GAS2L3: variants seen among roughly 807,000 people sequenced by gnomAD.
GAS2L3 encodes the protein GAS2-like protein 3.
A neutral mutation model predicts 37.0 loss-of-function variants in GAS2L3; 28 were observed. The ratio of observed to expected loss-of-function variants is 0.76; its 90% CI spans 0.56 to 1.04. The LOEUF (loss-of-function observed/expected upper bound fraction) is 1.04, where lower values mean the gene tolerates loss of function less well. GAS2L3 is among the 50% of genes least tolerant of loss of function. The pLI is 0.00. For synonymous variants in GAS2L3, 290 were observed against 296.6 expected (o/e 0.98, Z 0.23); for missense variants, 793 against 817.6 (o/e 0.97, Z 0.37).
chr12:100,601,275 A>G (rs1269130080), intron 4 of GAS2L3, among the ~76,000 whole-genome samples: 1 of 152,120 alleles, frequency 6.6e-6, no homozygotes, highest in African/African-American at 2.4e-5. Flanking sequence ...AAAAGTTAGT[A>G]TTCCCTGGGT....
intron 1 of GAS2L3, among the ~76,000 whole-genome samples, chr12:100,584,254 T>G (rs1032743412): frequency 8.5e-5 from 13 of 152,108 alleles, no homozygotes; most frequent in African/African-American, 3.1e-4. Flanking sequence ...TAATCAGAAT[T>G]AATTCAGGCC....
At chr12:100,609,923 G>A (rs905055615) in intron 5 of GAS2L3, among the ~76,000 whole-genome samples, 6 of 152,156 alleles carry the variant, frequency 3.9e-5, no homozygotes, top group Admixed American at 3.9e-4. Context: ...GCTGGAAGAT[G>A]GAGGAAGGGG....
intron 9 of GAS2L3, 62 bp from the exon 10 acceptor site, chr12:100,623,500 T>G: frequency 6.9e-7 from 1 of 1,455,046 alleles, no homozygotes; most frequent in Non-Finnish European, 9.3e-7. Context: ...TAACTGCTAA[T>G]GAATTGTAAC....
intron 1 of GAS2L3, among the ~76,000 whole-genome samples, chr12:100,574,597 T>G (rs558547981): frequency 2.6e-5 from 4 of 152,152 alleles, no homozygotes; most frequent in Non-Finnish European, 5.9e-5. Flanking sequence ...TAAATTTGAG[T>G]GCTTTGTGGC....
Position 100,617,782 on chromosome 12 carries a change from C to T in GAS2L3, c.484C>T (p.Leu162Phe). The change falls in exon 7 of 10, where the codon CTT becomes TTT. Residue 162 changes from leucine to phenylalanine, a missense_variant. Leu to Phe is a conservative substitution (Grantham distance 22). Coordinates refer to ENST00000547754, the MANE Select transcript of GAS2L3 (RefSeq NM_174942.3). Reference sequence around the variant, plus strand: ...TCCAAGACAGGTGTATCTTTGTCTTCTTGAAATTGGTCGAATTGTGTCAAG... The same window carrying T: ...TCCAAGACAGGTGTATCTTTGTCTTTTTGAAATTGGTCGAATTGTGTCAAG... Reference protein sequence around the residue: ...KDPRQVYLCLLEIGRIVSRYG... With the variant: ...KDPRQVYLCLFEIGRIVSRYG... 1 of 1,606,888 alleles carries T rather than the reference C, an allele frequency of 6.2e-7. No homozygotes were observed. The highest frequency in any genetic ancestry group is 8.5e-7 in the Non-Finnish European group (1 of 1,174,248).
At chr12:100,579,677 A>G (rs2136376225) in intron 1 of GAS2L3, 1 of 779,184 alleles carries the variant, frequency 1.3e-6, no homozygotes, top group Non-Finnish European at 2.4e-6. Flanking sequence ...CCCTTACTGA[A>G]GCATTCTGCA....
At chr12:100,606,324 G>C (rs1015044467) in intron 5 of GAS2L3, among the ~76,000 whole-genome samples, 3 of 151,772 alleles carry the variant, frequency 2.0e-5, no homozygotes, top group African/African-American at 4.8e-5. Context: ...TTCTTTTTCA[G>C]TTTCCCATTG....
chr12:100,579,152 G>T, intron 1 of GAS2L3: 3 of 681,606 alleles, frequency 4.4e-6, no homozygotes, highest in Non-Finnish European at 8.2e-6. Flanking sequence ...CATGGCCCAT[G>T]ATGTTCTCTT....
At chr12:100,605,668 A>G (rs1461252631) in intron 5 of GAS2L3, among the ~76,000 whole-genome samples, 1 of 151,620 alleles carries the variant, frequency 6.6e-6, no homozygotes, top group African/African-American at 2.4e-5. Flanking sequence ...ACTGTATCCC[A>G]TAGGTTTTGG....
chr12:100,574,012 C>G (rs1196602540), intron 1 of GAS2L3: 1 of 152,188 alleles, frequency 6.6e-6, no homozygotes, highest in Non-Finnish European at 1.5e-5. Context: ...TGACGTTGCG[C>G]CTGCCTTCAC....
At chr12:100,594,473 A>G (rs1199776241) in intron 2 of GAS2L3, among the ~76,000 whole-genome samples, 2 of 152,036 alleles carry the variant, frequency 1.3e-5, no homozygotes, top group Non-Finnish European at 2.9e-5. Context: ...GATGACAGTC[A>G]GATAAAAGAT....
Position 100,614,458 on chromosome 12 carries a change from TA to T in GAS2L3, c.445+2330del, listed in dbSNP as rs924945969. On this transcript the variant is annotated intron_variant, in intron 6 of 9. Coordinates refer to ENST00000547754, the MANE Select transcript of GAS2L3 (RefSeq NM_174942.3). The stretch of plus-strand genomic sequence containing the variant: ...AGACTGGGTGAAAGAGTGAGACTCA[TA>T]AAAAAAAAAAAATTACTATCTTAAC... 1.4e-3 allele frequency among the ~76,000 whole-genome samples: 197 copies of T among 142,826 alleles called. 1 individual carries two copies. Among genetic ancestry groups the T allele is most frequent in the Middle Eastern group, 3.7e-3 (1 of 270 alleles). The allele number at this position is 142,826 out of a possible 152,430, so 93.7% of individuals were successfully genotyped here.
chr12:100,582,716 A>G (rs902819947), intron 1 of GAS2L3, among the ~76,000 whole-genome samples: 26 of 152,254 alleles, frequency 1.7e-4, no homozygotes, highest in Non-Finnish European at 3.7e-4. Context: ...GCTGTAACAA[A>G]TTACCACAAA....
chr12:100,607,518 A>G (rs1956072202), intron 5 of GAS2L3, among the ~76,000 whole-genome samples: 1 of 150,278 alleles, frequency 6.7e-6, no homozygotes, highest in African/African-American at 2.4e-5. Context: ...TTCTATCCCC[A>G]TCTCTCTCTC....
At chr12:100,576,291 A>T (rs955671359) in intron 1 of GAS2L3, among the ~76,000 whole-genome samples, 2 of 152,138 alleles carry the variant, frequency 1.3e-5, no homozygotes, top group Non-Finnish European at 2.9e-5. Context: ...GTTTGGAGAT[A>T]ATAGGAAAGG....
At chr12:100,589,623 C>G (rs1955821899) in intron 1 of GAS2L3, among the ~76,000 whole-genome samples, 1 of 152,062 alleles carries the variant, frequency 6.6e-6, no homozygotes, top group Non-Finnish European at 1.5e-5. Context: ...CAAAGCAAGA[C>G]TAATCAAAAA....
At position 100,621,882 on chromosome 12, in the gene GAS2L3, G is replaced by GGAGAGA. The variant is rs1205356059; in HGVS notation, c.649-372_649-367dup. ...GTGGTGGGGAGGGAGGGTGGGGGGG[G>GGAGAGA]GAGAGAGAGAGAGAGAGAGAGAGAG... is the stretch of plus-strand genomic sequence containing the variant. On this transcript the variant is annotated intron_variant, in intron 8 of 9. Transcript: ENST00000547754. 9.7e-4 allele frequency among the ~76,000 whole-genome samples: 79 copies of GGAGAGA among 81,282 alleles called. 3 individuals are homozygous for GGAGAGA. The East Asian group carries it at 0.011, about 12-fold the overall frequency. The allele number at this position is 81,282 out of a possible 152,430, so 53.3% of individuals were successfully genotyped here. A position where few individuals can be genotyped will look rare whatever the true frequency, so the allele number is the denominator to read the frequency against.
intron 5 of GAS2L3, among the ~76,000 whole-genome samples, chr12:100,609,316 A>G (rs998624839): frequency 1.3e-5 from 2 of 152,176 alleles, no homozygotes; most frequent in African/African-American, 4.8e-5. Flanking sequence ...CACCCATGGC[A>G]TATTACCTGG....
chr12:100,605,943 A>G (rs1022470174), intron 5 of GAS2L3, among the ~76,000 whole-genome samples: 1 of 151,828 alleles, frequency 6.6e-6, no homozygotes, highest in Non-Finnish European at 1.5e-5. Flanking sequence ...AGAATGATCC[A>G]TCTGCTGAGG....
Sources: allele counts gnomAD v4.1 joint callset (sites outside exome capture counted in the v4.1 genomes callset), GRCh38; gene constraint gnomAD v4.1.1; transcripts MANE v1.5; gene names NCBI Gene and HGNC (gene_info 2026-07-23, HGNC 2026-07-21).